The following ZNF469 variants were observed in gnomAD, a reference collection of about 807,000 sequenced individuals.
The protein encoded by ZNF469 is zinc finger protein 469.
A neutral mutation model predicts 1.0 loss-of-function variants in ZNF469; 1 was observed. That is an observed-to-expected ratio of 1.00 (90% CI 0.35 to 4.73). ZNF469 has a LOEUF of 4.73. ZNF469 is among the 30% of genes most tolerant of loss of function. The pLI is 0.16. For missense variants in ZNF469, 6,100 were observed against 5,356.3 expected (o/e 1.14, Z -4.33); for synonymous variants, 2,703 against 2,363.4 (o/e 1.14, Z -4.17).
chr16:88,260,361 T>G, the ZNF469 span, among the ~76,000 whole-genome samples: 1 of 152,184 alleles, frequency 6.6e-6, no homozygotes, highest in African/African-American at 2.4e-5. The surrounding 1 kb of genome is among the most constrained non-coding windows in gnomAD (Gnocchi z 4.1). Context: ...GATGTCAGGC[T>G]CAGCCTAAGG....
At chr16:88,113,280 G>C in the ZNF469 span, among the ~76,000 whole-genome samples, 1 of 152,208 alleles carries the variant, frequency 6.6e-6, no homozygotes, top group African/African-American at 2.4e-5. Context: ...TTTGTATGTG[G>C]CGAGAGCTAG....
the ZNF469 span, among the ~76,000 whole-genome samples, chr16:88,143,006 C>T: frequency 6.6e-6 from 1 of 152,182 alleles, no homozygotes; most frequent in Non-Finnish European, 1.5e-5. Flanking sequence ...TGCCTGAAAA[C>T]TGGGGGTGGC....
At chr16:88,395,475 AATAATAT>A (rs1298047073) in intron 1 of ZNF469, among the ~76,000 whole-genome samples, 1 of 152,102 alleles carries the variant, frequency 6.6e-6, no homozygotes, top group Non-Finnish European at 1.5e-5. Flanking sequence ...GTATTGTATA[AATAATAT>A]ATAATTGTAT....
At chr16:88,403,068 G>A (rs575194473) in intron 1 of ZNF469, among the ~76,000 whole-genome samples, 1 of 152,336 alleles carries the variant, frequency 6.6e-6, no homozygotes, top group African/African-American at 2.4e-5. Flanking sequence ...AACTTTATGG[G>A]GCCCAGAAAC....
the ZNF469 span, among the ~76,000 whole-genome samples, chr16:88,113,674 G>C: frequency 1.3e-5 from 2 of 152,238 alleles, no homozygotes; most frequent in Non-Finnish European, 2.9e-5. Flanking sequence ...CGTAGGTCAG[G>C]TCTGGCCTGT....
chr16:88,104,359 C>A, the ZNF469 span, among the ~76,000 whole-genome samples: 1 of 152,182 alleles, frequency 6.6e-6, no homozygotes, highest in African/African-American at 2.4e-5. Context: ...TGTGCACCCA[C>A]AACCACTATC....
At chr16:88,251,942 C>A in the ZNF469 span, among the ~76,000 whole-genome samples, 1 of 151,220 alleles carries the variant, frequency 6.6e-6, no homozygotes, top group Non-Finnish European at 1.5e-5. Context: ...ACGGGGCAGG[C>A]AGCCATGGAT....
the ZNF469 span, among the ~76,000 whole-genome samples, chr16:88,323,730 C>T: frequency 3.3e-5 from 5 of 152,160 alleles, no homozygotes; most frequent in Non-Finnish European, 7.4e-5. Context: ...CAGTGTTGCC[C>T]ATGACCGGTA....
chr16:88,234,086 G>C, the ZNF469 span, among the ~76,000 whole-genome samples: 1 of 152,216 alleles, frequency 6.6e-6, no homozygotes, highest in Non-Finnish European at 1.5e-5. Flanking sequence ...TGATTGGAAG[G>C]GCCATGGACT....
the ZNF469 span, among the ~76,000 whole-genome samples, chr16:88,137,498 C>T: frequency 6.6e-6 from 1 of 152,286 alleles, no homozygotes; most frequent in African/African-American, 2.4e-5. Context: ...GCACATATGA[C>T]CGTGTGTGCA....
the ZNF469 span, among the ~76,000 whole-genome samples, chr16:88,352,342 A>AATTTGCCT: frequency 6.6e-6 from 1 of 152,210 alleles, no homozygotes; most frequent in Non-Finnish European, 1.5e-5. Context: ...AGGAATGACA[A>AATTTGCCT]ATTTGCCTGG....
rs1906389677 is a variant in ZNF469 at position 88,434,042 on chromosome 16, A to G, written c.6572A>G (p.Asp2191Gly). The G allele has an allele frequency of 6.5e-7, 1 of 1,550,080 alleles. No individual in the cohort carries two copies. Among genetic ancestry groups the G allele is most frequent in the African/African-American group, 1.4e-5 (1 of 73,014 alleles). Reference protein sequence around the residue: ...VQATTDTGAEDSPVAPPSLTT... With the variant: ...VQATTDTGAEGSPVAPPSLTT... ...GCCACGACAGATACTGGGGCTGAGGATTCCCCGGTGGCTCCCCCGTCTTTG... is the reference window on the plus strand; with the variant it reads ...GCCACGACAGATACTGGGGCTGAGGGTTCCCCGGTGGCTCCCCCGTCTTTG... The change falls in exon 3 of 3, where the codon GAT becomes GGT. Residue 2191 changes from aspartate (D) to glycine (G), a missense_variant. Coordinates refer to ENST00000565624, the MANE Select transcript of ZNF469 (RefSeq NM_001367624.2).
chr16:88,397,278 T>A (rs1212740440), intron 1 of ZNF469, among the ~76,000 whole-genome samples: 1 of 152,228 alleles, frequency 6.6e-6, no homozygotes, highest in Non-Finnish European at 1.5e-5. Flanking sequence ...CTGGGATGGA[T>A]GTGGTGCCCT....
the ZNF469 span, among the ~76,000 whole-genome samples, chr16:88,326,253 C>T: frequency 6.6e-6 from 1 of 152,176 alleles, no homozygotes; most frequent in African/African-American, 2.4e-5. Flanking sequence ...CTCATGAGAT[C>T]TGATGGTTTT....
At chr16:88,182,950 G>T in the ZNF469 span, among the ~76,000 whole-genome samples, 1 of 152,132 alleles carries the variant, frequency 6.6e-6, no homozygotes, top group East Asian at 1.9e-4. Flanking sequence ...AAAATGAAGA[G>T]ACAAACCACA....
chr16:88,285,467 C>A, the ZNF469 span, among the ~76,000 whole-genome samples: 4 of 152,368 alleles, frequency 2.6e-5, no homozygotes, highest in South Asian at 6.2e-4. Context: ...ACAGCAGAAT[C>A]TTCCAGGCAT....
At chr16:88,203,108 C>A in the ZNF469 span, among the ~76,000 whole-genome samples, 7 of 151,920 alleles carry the variant, frequency 4.6e-5, no homozygotes, top group Non-Finnish European at 1.0e-4. Flanking sequence ...GCAGAAGGGC[C>A]GGGAAGGGCA....
At chr16:88,380,511 A>G (rs1012161133), upstream of ZNF469, among the ~76,000 whole-genome samples, 1,494 of 129,532 alleles carry the variant, frequency 0.012, 15 homozygotes, top group Non-Finnish European at 0.017. Flanking sequence ...TCACACAGAC[A>G]TGCACACACA....
chr16:88,222,957 C>T, the ZNF469 span, among the ~76,000 whole-genome samples: 19 of 152,204 alleles, frequency 1.2e-4, no homozygotes, highest in Admixed American at 1.2e-3. Flanking sequence ...ACCTGGGTTC[C>T]ATGCTAGAGG....
Sources: allele counts gnomAD v4.1 joint callset (sites outside exome capture counted in the v4.1 genomes callset), GRCh38; gene constraint gnomAD v4.1.1; non-coding constraint Gnocchi (gnomAD v3.1); transcripts MANE v1.5; gene names NCBI Gene and HGNC (gene_info 2026-07-23, HGNC 2026-07-21).